The following DISP1 variants were observed in gnomAD, a reference collection of about 807,000 sequenced individuals.
DISP1 encodes the protein protein dispatched homolog 1.
Under a neutral mutation model 37.3 loss-of-function variants are expected in DISP1, and 30 were observed. That is an observed-to-expected ratio of 0.80 (90% CI 0.60 to 1.09). The LOEUF (loss-of-function observed/expected upper bound fraction) is 1.09, where lower values mean the gene tolerates loss of function less well. Among genes scored for constraint, DISP1 ranks in the 50% least tolerant of loss-of-function variants. The pLI, the probability that DISP1 is intolerant of heterozygous loss-of-function variation, is 0.00. For synonymous variants in DISP1, 634 were observed against 690.2 expected (o/e 0.92, Z 1.28); for missense variants, 1,598 against 1,879.5 (o/e 0.85, Z 2.77).
chr1:222,977,398 G>A (rs2102673266), intron 3 of DISP1, among the ~76,000 whole-genome samples: 1 of 144,718 alleles, frequency 6.9e-6, no homozygotes, highest in South Asian at 2.2e-4. Flanking sequence ...ATTTGTTAAG[G>A]ACTTAGTTGT....
chr1:223,005,490 G>T lies in DISP1; in HGVS notation c.4093G>T (p.Ala1365Ser). 1 of 1,613,826 alleles carries T rather than the reference G, an allele frequency of 6.2e-7. No homozygotes were observed. The highest frequency in any genetic ancestry group is 8.5e-7 in the Non-Finnish European group (1 of 1,179,996). The change falls in exon 9 of 9, where the codon GCC (alanine) becomes TCC (serine). Residue 1365 changes from alanine (A) to serine (S), a missense_variant. Ala to Ser is a moderately conservative substitution (Grantham distance 99). Transcript: ENST00000675850. ...FFLHPVQHIQ[A>S]QEKIGKTNVH... ...CCTCCACCCAGTGCAGCACATTCAG[G>T]CCCAAGAAAAAATTGGCAAGACCAA...
chr1:222,949,748 T>G (rs1438817269), intron 3 of DISP1, among the ~76,000 whole-genome samples: 1 of 152,180 alleles, frequency 6.6e-6, no homozygotes, highest in African/African-American at 2.4e-5. Context: ...TGCCTCAGCC[T>G]CCTGAGCAGT....
Position 223,004,252 on chromosome 1 carries a change from C to T in DISP1, c.2855C>T (p.Ser952Phe), listed in dbSNP as rs1332203207. 1 of 1,614,088 alleles carries T rather than the reference C, an allele frequency of 6.2e-7. No homozygotes were observed. ...TATAAAGAGGTGGACTCGTGGATAT[C>T]CAGTGAGCTGAGTTCGGCCCCTGAA... ...QFYKEVDSWI[S>F]SELSSAPEGL... The change falls in exon 9 of 9, where the codon TCC becomes TTC. Residue 952 changes from serine to phenylalanine, a missense_variant. Transcript: ENST00000675850. This position sits in a 1 kb window ranked among gnomAD's most constrained non-coding sequence, Gnocchi z 4.9.
intron 1 of DISP1, among the ~76,000 whole-genome samples, chr1:222,870,185 A>G (rs1382307723): frequency 6.6e-6 from 1 of 152,148 alleles, no homozygotes; most frequent in Non-Finnish European, 1.5e-5. Context: ...AATCCAGTCT[A>G]TCATTGTTGG....
intron 8 of DISP1, 130 bp from the exon 9 acceptor site, chr1:223,002,255 A>C: frequency 1.1e-6 from 1 of 898,334 alleles, no homozygotes; most frequent in East Asian, 2.4e-5. Flanking sequence ...TTCCTAGTTT[A>C]AGTGGATAAT....
intron 1 of DISP1, among the ~76,000 whole-genome samples, chr1:222,910,500 T>C (rs1226542739): frequency 6.6e-6 from 1 of 152,152 alleles, no homozygotes; most frequent in East Asian, 1.9e-4. Flanking sequence ...TAGGAAAAAA[T>C]GTCCCAGAGG....
chr1:222,913,830 T>G (rs1672342048), intron 1 of DISP1, among the ~76,000 whole-genome samples: 1 of 152,144 alleles, frequency 6.6e-6, no homozygotes, highest in Non-Finnish European at 1.5e-5. Flanking sequence ...AATTTGAGAT[T>G]CAAACTCCTT....
chr1:222,923,816 A>C (rs1452399845), intron 1 of DISP1, among the ~76,000 whole-genome samples: 2 of 152,058 alleles, frequency 1.3e-5, no homozygotes, highest in Admixed American at 1.3e-4. Flanking sequence ...AATCTAAGAG[A>C]GAAAGGAAAA....
At chr1:222,875,047 A>T (rs960343083) in intron 1 of DISP1, among the ~76,000 whole-genome samples, 3 of 152,116 alleles carry the variant, frequency 2.0e-5, no homozygotes, top group Admixed American at 1.3e-4. Context: ...GAATTGGTAA[A>T]CCATTAGTTT....
intron 3 of DISP1, among the ~76,000 whole-genome samples, chr1:222,949,594 A>G (rs956471789): frequency 4.6e-5 from 7 of 152,114 alleles, no homozygotes; most frequent in Non-Finnish European, 1.0e-4. Flanking sequence ...TGTCTAATTG[A>G]GAACAATAAG....
At chr1:222,885,842 A>G (rs1458020835) in intron 1 of DISP1, among the ~76,000 whole-genome samples, 1 of 152,154 alleles carries the variant, frequency 6.6e-6, no homozygotes, top group African/African-American at 2.4e-5. Flanking sequence ...TGTAGCATTC[A>G]GAGTTCCTCC....
Position 223,005,932 on chromosome 1 carries a change from C to A in DISP1, c.4535C>A (p.Ser1512Ter). Residue 1512 changes from serine to a stop codon, truncating the protein, a stop_gained, in exon 9 of 9, where the codon TCG becomes TAG. Coordinates refer to ENST00000675850, the MANE Select transcript of DISP1 (RefSeq NM_001377229.1). LOFTEE classifies it high-confidence loss of function. Reference sequence around the variant, plus strand: ...AATGTGCCTGCTGTATTAACACACTCGGAACTTTCTGGTGAAAGTTTGTTA... The same window carrying A: ...AATGTGCCTGCTGTATTAACACACTAGGAACTTTCTGGTGAAAGTTTGTTA... ...EANVPAVLTHSELSGESLLIK... is the reference protein window; with the variant it reads ...EANVPAVLTH 6.2e-7 allele frequency: 1 copy of A among 1,613,982 alleles called. No individual in the cohort carries two copies. Among genetic ancestry groups the A allele is most frequent in the Non-Finnish European group, 8.5e-7 (1 of 1,180,012 alleles).
At chr1:222,815,809 AGCTTGTCTTATT>A (rs1661074097) in intron 1 of DISP1, among the ~76,000 whole-genome samples, 1 of 152,168 alleles carries the variant, frequency 6.6e-6, no homozygotes, top group African/African-American at 2.4e-5. Context: ...TGCAGAGTTT[AGCTTGTCTTATT>A]TCCCTTGTCA....
intron 1 of DISP1, among the ~76,000 whole-genome samples, chr1:222,896,034 G>A (rs1360988024): frequency 6.6e-6 from 1 of 152,196 alleles, no homozygotes; most frequent in Non-Finnish European, 1.5e-5. Flanking sequence ...AGGCTACAAG[G>A]TGCAGTGGCT....
At chr1:222,997,422 AG>A (rs1453873835) in intron 8 of DISP1, among the ~76,000 whole-genome samples, 2 of 152,172 alleles carry the variant, frequency 1.3e-5, no homozygotes, top group Non-Finnish European at 2.9e-5. Context: ...GTTCCCCCAT[AG>A]TCTTCATAAA....
intron 1 of DISP1, among the ~76,000 whole-genome samples, chr1:222,833,242 A>G (rs1666201519): frequency 6.6e-6 from 1 of 151,238 alleles, no homozygotes; most frequent in East Asian, 1.9e-4. Context: ...TAACAAAGTG[A>G]TAAGAGTTGA....
chr1:222,851,907 A>C (rs867064129), intron 1 of DISP1, among the ~76,000 whole-genome samples: 3 of 152,242 alleles, frequency 2.0e-5, no homozygotes, highest in Middle Eastern at 6.8e-3. Context: ...GCTAGAGGCC[A>C]GGCACAGTGG....
At chr1:222,887,778 G>A (rs548053077) in intron 1 of DISP1, among the ~76,000 whole-genome samples, 1 of 142,326 alleles carries the variant, frequency 7.0e-6, no homozygotes, top group East Asian at 2.0e-4. Flanking sequence ...GATTACAGGC[G>A]TGAGCCACCG....
At chr1:222,845,477 C>G (rs2125298528) in intron 1 of DISP1, among the ~76,000 whole-genome samples, 1 of 152,194 alleles carries the variant, frequency 6.6e-6, no homozygotes, top group Middle Eastern at 3.4e-3. Flanking sequence ...GGTACTTTTT[C>G]CATGTAAGAG....
Sources: allele counts gnomAD v4.1 joint callset (sites outside exome capture counted in the v4.1 genomes callset), GRCh38; gene constraint gnomAD v4.1.1; non-coding constraint Gnocchi (gnomAD v3.1); transcripts MANE v1.5; gene names NCBI Gene and HGNC (gene_info 2026-07-23, HGNC 2026-07-21).